Variants in DNAJC17 observed in about 807,000 individuals in gnomAD.
The protein encoded by DNAJC17 is dnaJ homolog subfamily C member 17.
A neutral mutation model predicts 48.1 loss-of-function variants in DNAJC17; 35 were observed. That is an observed-to-expected ratio of 0.73 (90% CI 0.56 to 0.96). DNAJC17 has a LOEUF of 0.96. DNAJC17 is among the 50% of genes least tolerant of loss of function. The pLI is 0.00. For missense variants in DNAJC17, 355 were observed against 377.1 expected (o/e 0.94, Z 0.48); for synonymous variants, 117 against 142.7 (o/e 0.82, Z 1.28).
At chr15:40,775,399 G>A (rs1490863949) in intron 7 of DNAJC17, 154 bp downstream of exon 7, 30 of 893,402 alleles carry the variant, frequency 3.4e-5, no homozygotes, top group Admixed American at 1.1e-4. Context: ...TCTGATCTCC[G>A]GGCGGCTGGA....
intron 8 of DNAJC17, 60 bp from the exon 9 acceptor site, chr15:40,774,496 G>A: frequency 6.3e-7 from 1 of 1,587,816 alleles, no homozygotes; most frequent in South Asian, 1.1e-5. Context: ...CCCAGGTCAT[G>A]CCAGAGACAA....
chr15:40,779,437 T>C, intron 3 of DNAJC17, 108 bp downstream of exon 3: 1 of 1,567,412 alleles, frequency 6.4e-7, no homozygotes, highest in Non-Finnish European at 8.8e-7. Context: ...CTCCTGGGCT[T>C]AGACAGCAAG....
chr15:40,767,359 G>A lies in DNAJC17; in HGVS notation c.*581C>T. 2 of 1,593,040 alleles carry A rather than the reference G, an allele frequency of 1.3e-6. No individual in the cohort carries two copies. The highest frequency in any genetic ancestry group is 1.7e-6 in the Non-Finnish European group (2 of 1,170,854). ...TCTGCACAAGGAGTGACCTTCTCAT[G>A]CTGATTTGCAGACGGGGCACCCCTG... On this transcript the variant is annotated 3_prime_UTR_variant, in exon 11 of 11. Transcript: ENST00000220496.
intron 1 of DNAJC17, among the ~76,000 whole-genome samples, chr15:40,798,150 T>C (rs1889985203): frequency 6.6e-6 from 1 of 152,242 alleles, no homozygotes; most frequent in Admixed American, 6.5e-5. Flanking sequence ...TGGAATATTA[T>C]TCAACCTTAA....
At chr15:40,791,759 C>T (rs1471373523) in intron 1 of DNAJC17, among the ~76,000 whole-genome samples, 3 of 151,822 alleles carry the variant, frequency 2.0e-5, no homozygotes, top group South Asian at 4.2e-4. Flanking sequence ...GCAGGAGAAT[C>T]GCTTGAACTC....
At chr15:40,789,903 C>CAAAAAAAAAAAAAAAAAAAAAAA (rs71428311) in intron 1 of DNAJC17, among the ~76,000 whole-genome samples, 2 of 20,020 alleles carry the variant, frequency 1.0e-4, no homozygotes, top group Non-Finnish European at 9.1e-5. Context: ...CAGACTGTCT[C>CAAAAAAAAAAAAAAAAAAAAAAA]AAAAAAAAAA....
rs112190571 is a variant in DNAJC17, at chr15:40,786,642, G to A, written c.79-6645C>T. ...CCCTAAATCCCCTGGTCTCTCTAGC[G>A]CTTAGAAACACTTGCATTTCTGAGA... On this transcript the variant is annotated intron_variant, in intron 1 of 10. Transcript: ENST00000220496. Among the ~76,000 whole-genome samples, 106 of 152,114 alleles carry A rather than the reference G, an allele frequency of 7.0e-4. 1 individual carries two copies. The highest frequency in any genetic ancestry group is 2.4e-4 in the Non-Finnish European group (16 of 68,032).
rs780045280 is a variant in DNAJC17 at position 40,779,914 on chromosome 15, G to A, written c.148+14C>T. 6.2e-7 allele frequency: 1 copy of A among 1,613,386 alleles called. No individual in the cohort carries two copies. The highest frequency in any genetic ancestry group is 2.2e-5 in the East Asian group (1 of 44,880). On this transcript the variant is annotated intron_variant, in intron 2 of 10. Coordinates refer to ENST00000220496, the MANE Select transcript of DNAJC17 (RefSeq NM_018163.3). ...GTGGGTTTCTTTCTCCCCACGCCCTGAGAAGAGTCTCACCTGCTCTGGGAT... is the reference window on the plus strand; with the variant it reads ...GTGGGTTTCTTTCTCCCCACGCCCTAAGAAGAGTCTCACCTGCTCTGGGAT...
At chr15:40,800,955 CAAAAA>C (rs755967211) in intron 1 of DNAJC17, among the ~76,000 whole-genome samples, 1 of 107,850 alleles carries the variant, frequency 9.3e-6, no homozygotes. Flanking sequence ...GACTCCGTCT[CAAAAA>C]AAAAAAAAAA....
chr15:40,802,168 A>AT (rs759016627), intron 1 of DNAJC17, among the ~76,000 whole-genome samples: 938 of 133,976 alleles, frequency 7.0e-3, no homozygotes, highest in Admixed American at 9.2e-3. Flanking sequence ...AAAGAGTTCA[A>AT]TTTTTTTTTT....
In DNAJC17 at chr15:40,765,832, GGGCC is replaced by G; in HGVS notation, c.*2104_*2107del. The G allele has an allele frequency of 6.5e-7, 1 of 1,548,698 alleles. No individual in the cohort carries two copies. Among genetic ancestry groups the G allele is most frequent in the Non-Finnish European group, 8.8e-7 (1 of 1,135,194 alleles). ...CACTGTGGCTTACCTTGCAGGAGGT[GGGCC>G]CCACTATGGTGGGCGATGAACAGTC... On this transcript the variant is annotated 3_prime_UTR_variant, in exon 11 of 11. Transcript: ENST00000220496.
chr15:40,782,447 A>G (rs1005072062), intron 1 of DNAJC17, among the ~76,000 whole-genome samples: 3 of 151,946 alleles, frequency 2.0e-5, no homozygotes, highest in Admixed American at 1.3e-4. Context: ...AGAAACCCCA[A>G]TATTTCTTAC....
intron 2 of DNAJC17, 66 bp from the exon 3 acceptor site, chr15:40,779,669 C>CA (rs879358935): frequency 0.037 from 45,400 of 1,210,802 alleles, 1 homozygote; most frequent in Non-Finnish European, 0.042. Context: ...TGTGCTCCCT[C>CA]AAAAAAAAAA....
rs934328622 is a variant in DNAJC17, at chr15:40,769,159, C to A, written c.793-1097G>T. 6.6e-6 allele frequency among the ~76,000 whole-genome samples: 1 copy of A among 152,212 alleles called. No homozygotes were observed. Among genetic ancestry groups the A allele is most frequent in the African/African-American group, 2.4e-5 (1 of 41,460 alleles). On this transcript the variant is annotated intron_variant, in intron 10 of 10. Coordinates refer to ENST00000220496, the MANE Select transcript of DNAJC17 (RefSeq NM_018163.3). The surrounding 1 kb of genome is among the most constrained non-coding windows in gnomAD (Gnocchi z 4.2). ...CCCGATGGCTGCACCCCTCCCCTCTCCCCGGCTGCAGCAGTCCCAGCTAGG... is the reference window on the plus strand; with the variant it reads ...CCCGATGGCTGCACCCCTCCCCTCTACCCGGCTGCAGCAGTCCCAGCTAGG...
rs572994642 is a variant in DNAJC17 at position 40,767,007 on chromosome 15, G to A, written c.*933C>T. ...CTCATCTATCAATGGCCACAACAGT[G>A]GCACCTTCACTAGCTTGTTGGGAAG... is the stretch of plus-strand genomic sequence containing the variant. On this transcript the variant is annotated 3_prime_UTR_variant, in exon 11 of 11. Coordinates refer to ENST00000220496, the MANE Select transcript of DNAJC17 (RefSeq NM_018163.3). 31 of 397,058 alleles carry A rather than the reference G, an allele frequency of 7.8e-5. No individual in the cohort carries two copies. Among genetic ancestry groups the A allele is most frequent in the African/African-American group, 6.2e-4 (30 of 48,488 alleles). The allele number at this position is 397,058 out of a possible 1,614,324, so 24.6% of individuals were successfully genotyped here.
At chr15:40,776,095 G>T in intron 6 of DNAJC17, 101 bp downstream of exon 6, 1 of 1,118,190 alleles carries the variant, frequency 8.9e-7, no homozygotes, top group Non-Finnish European at 1.3e-6. Flanking sequence ...GTTCCAGCAG[G>T]TAGAAGCCTC....
chr15:40,806,526 C>T (rs1392403884), intron 1 of DNAJC17, among the ~76,000 whole-genome samples: 1 of 151,948 alleles, frequency 6.6e-6, no homozygotes, highest in Admixed American at 6.6e-5. Context: ...CTAGTAGACA[C>T]TAATTTTCTT....
intron 1 of DNAJC17, among the ~76,000 whole-genome samples, chr15:40,805,503 C>T (rs1385634022): frequency 3.3e-5 from 5 of 151,068 alleles, no homozygotes; most frequent in Admixed American, 1.3e-4. Context: ...GCTGAGATTG[C>T]GCCACTGCAC....
chr15:40,774,495 T>C (rs1889259975), intron 8 of DNAJC17, 59 bp from the exon 9 acceptor site: 2 of 1,591,808 alleles, frequency 1.3e-6, no homozygotes, highest in Admixed American at 1.7e-5. Flanking sequence ...GCCCAGGTCA[T>C]GCCAGAGACA....
Sources: gnomAD v4.1 joint callset for allele counts (sites outside exome capture counted in the v4.1 genomes callset) on GRCh38, gnomAD v4.1.1 for gene constraint, Gnocchi (gnomAD v3.1) non-coding constraint, MANE v1.5 for transcripts, NCBI Gene and HGNC (gene_info 2026-07-23, HGNC 2026-07-21) for gene names.